The following PCDHAC1 variants were observed in gnomAD, a reference collection of about 807,000 sequenced individuals.
PCDHAC1 encodes the protein protocadherin alpha-C1.
A neutral mutation model predicts 60.0 loss-of-function variants in PCDHAC1; 42 were observed. The ratio of observed to expected loss-of-function variants is 0.70; its 90% CI spans 0.55 to 0.90. The LOEUF (loss-of-function observed/expected upper bound fraction) is 0.90, where lower values mean the gene tolerates loss of function less well. Ranked by LOEUF, PCDHAC1 falls within the 40% of genes least tolerant of loss-of-function variation. The probability of loss-of-function intolerance (pLI) is 0.00; values close to 1 mark genes in which losing one functional copy is unlikely to be tolerated. For missense variants in PCDHAC1, 1,160 were observed against 1,222.3 expected (o/e 0.95, Z 0.76); for synonymous variants, 468 against 499.3 (o/e 0.94, Z 0.84).
At chr5:140,995,738 T>G (rs1441000111) in intron 3 of PCDHAC1, among the ~76,000 whole-genome samples, 1 of 152,150 alleles carries the variant, frequency 6.6e-6, no homozygotes, top group Non-Finnish European at 1.5e-5. Context: ...CTGGTGGATT[T>G]GGTATATCAT....
At position 141,011,465 on chromosome 5, in the gene PCDHAC1, G is replaced by A. The variant is rs2098420693; in HGVS notation, c.*1528G>A. ...TGAACTTTAAGCTTTATTGTTGAAT[G>A]TAATTCCATTATATTTCCTTTTGTA... On this transcript the variant is annotated 3_prime_UTR_variant, in exon 4 of 4. Transcript: ENST00000253807. The A allele has an allele frequency of 6.5e-6, 1 of 153,770 alleles. No individual in the cohort carries two copies. The highest frequency in any genetic ancestry group is 2.4e-5 in the African/African-American group (1 of 41,452). The allele number at this position is 153,770 out of a possible 1,614,324, so 9.5% of individuals were successfully genotyped here.
At chr5:140,994,631 G>A (rs978359081) in intron 3 of PCDHAC1, among the ~76,000 whole-genome samples, 1 of 152,106 alleles carries the variant, frequency 6.6e-6, no homozygotes, top group Non-Finnish European at 1.5e-5. Flanking sequence ...CTTGAACCTG[G>A]AAGGTGGAGG....
intron 3 of PCDHAC1, among the ~76,000 whole-genome samples, chr5:140,990,194 G>A (rs2097380047): frequency 6.6e-6 from 1 of 152,076 alleles, no homozygotes; most frequent in Non-Finnish European, 1.5e-5. Context: ...ACCAAATGTG[G>A]ACCCGAAAGA....
At chr5:140,979,384 G>A (rs1243693033) in intron 2 of PCDHAC1, among the ~76,000 whole-genome samples, 3 of 151,896 alleles carry the variant, frequency 2.0e-5, no homozygotes, top group African/African-American at 7.3e-5. Context: ...ATTGTGCAAT[G>A]TATACATACA....
intron 3 of PCDHAC1, among the ~76,000 whole-genome samples, chr5:140,985,288 A>G (rs1007960248): frequency 1.3e-5 from 2 of 152,112 alleles, no homozygotes; most frequent in African/African-American, 4.8e-5. Flanking sequence ...AATCTATGAT[A>G]TAGTGTTGGC....
rs201501759 is a variant in PCDHAC1 at position 140,978,957 on chromosome 5, G to A, written c.2442G>A (p.Gln814=). The stretch of plus-strand genomic sequence containing the variant: ...TCTTTGTGATTTTGCAGCCACGACA[G>A]CCCAACCCTGACTGGCGTTACTCTG... ...DHANVNAMPR[Q]PNPDWRYSAS... is the part of the protein sequence containing the mutation. Residue 814 remains glutamine, a synonymous_variant, in exon 2 of 4, where the codon CAG becomes CAA. Coordinates refer to ENST00000253807, the MANE Select transcript of PCDHAC1 (RefSeq NM_018898.5). 56 of 1,614,040 alleles carry A rather than the reference G, an allele frequency of 3.5e-5. No individual in the cohort carries two copies. In the East Asian group the frequency reaches 1.1e-3, roughly 32 times the overall value.
At chr5:140,962,716 G>A (rs1268660102) in intron 1 of PCDHAC1, among the ~76,000 whole-genome samples, 2 of 152,304 alleles carry the variant, frequency 1.3e-5, no homozygotes, top group East Asian at 3.9e-4. Context: ...ATATTGGAAA[G>A]TATTTTCCTT....
At position 140,927,384 on chromosome 5, in the gene PCDHAC1, C is replaced by G. The variant is rs2084146194; in HGVS notation, c.492C>G (p.Ser164Arg). Residue 164 changes from serine (S) to arginine (R), a missense_variant, in exon 1 of 4, where the codon AGC becomes AGG. Transcript: ENST00000253807. The part of the protein sequence containing the change: ...GSNGILSYSL[S>R]PSQHFRLDMG... Reference sequence around the variant, plus strand: ...ATGGGATACTAAGCTACAGCCTAAGCCCCAGTCAGCACTTTCGCCTGGACA... The same window carrying G: ...ATGGGATACTAAGCTACAGCCTAAGGCCCAGTCAGCACTTTCGCCTGGACA... 1 of 1,613,996 alleles carries G rather than the reference C, an allele frequency of 6.2e-7. No individual in the cohort carries two copies. The highest frequency in any genetic ancestry group is 1.7e-5 in the Admixed American group (1 of 60,010).
chr5:140,951,520 A>G (rs904780831), intron 1 of PCDHAC1, among the ~76,000 whole-genome samples: 6 of 151,972 alleles, frequency 3.9e-5, no homozygotes, highest in Admixed American at 2.0e-4. Context: ...CTCATCTTAC[A>G]TGGCCGGTGC....
chr5:140,992,017 C>CTGTGTG (rs10602499), intron 3 of PCDHAC1, among the ~76,000 whole-genome samples: 2,290 of 145,594 alleles, frequency 0.016, 56 homozygotes, highest in African/African-American at 0.05. Flanking sequence ...AGAGGTGGCT[C>CTGTGTG]TGTGTGTGTG....
chr5:140,971,210 C>G (rs192930872), intron 1 of PCDHAC1, among the ~76,000 whole-genome samples: 383 of 152,274 alleles, frequency 2.5e-3, no homozygotes, highest in Non-Finnish European at 3.7e-3. Context: ...CACTGTTACC[C>G]TCCCTCTCCT....
In PCDHAC1 at chr5:140,929,151, T is replaced by C; in HGVS notation, c.2259T>C (p.Thr753=). The change falls in exon 1 of 4, where the codon ACT becomes ACC. Residue 753 remains threonine (T), a synonymous_variant. Transcript: ENST00000253807. The part of the protein sequence containing the change: ...DVTTVERLSQ[T]YLYRASLGLG... ...CTACAGTTGAGAGACTTTCTCAGAC[T>C]TATCTCTATCGGGCCTCTCTGGGAC... 1 of 1,614,202 alleles carries C rather than the reference T, an allele frequency of 6.2e-7. No homozygotes were observed. The highest frequency in any genetic ancestry group is 2.2e-5 in the East Asian group (1 of 44,884).
At chr5:140,982,336 A>G in intron 2 of PCDHAC1, 139 bp from the exon 3 acceptor site, 1 of 1,449,074 alleles carries the variant, frequency 6.9e-7, no homozygotes, top group Non-Finnish European at 9.2e-7. Context: ...GCTCAGCAGT[A>G]ATTGCTTCAG....
At chr5:140,930,258 ATTTCT>A (rs1398620749) in intron 1 of PCDHAC1, 6 of 152,342 alleles carry the variant, frequency 3.9e-5, no homozygotes, top group African/African-American at 1.4e-4. Flanking sequence ...CTTGGATTTA[ATTTCT>A]TTTATTTTAG....
chr5:140,967,745 G>A, intron 1 of PCDHAC1: 1 of 1,614,184 alleles, frequency 6.2e-7, no homozygotes, highest in Non-Finnish European at 8.5e-7. Flanking sequence ...GGATTATGAG[G>A]AAGCCTCCTC....
intron 2 of PCDHAC1, among the ~76,000 whole-genome samples, chr5:140,980,258 G>A (rs2096882497): frequency 6.6e-6 from 1 of 152,164 alleles, no homozygotes; most frequent in Non-Finnish European, 1.5e-5. Context: ...GTAAAAGCAT[G>A]GTTTACAGTA....
chr5:140,953,270 T>A (rs1362290837), intron 1 of PCDHAC1, among the ~76,000 whole-genome samples: 6 of 152,152 alleles, frequency 3.9e-5, no homozygotes, highest in Non-Finnish European at 5.9e-5. Flanking sequence ...GCTTTAGCCT[T>A]TGCTCTTTAT....
intron 3 of PCDHAC1, among the ~76,000 whole-genome samples, chr5:141,000,931 T>G (rs1422337935): frequency 1.3e-5 from 2 of 152,188 alleles, no homozygotes; most frequent in African/African-American, 4.8e-5. Flanking sequence ...CCTGTGTGAT[T>G]TAGGACAAAT....
At chr5:140,935,760 T>C (rs1320272382) in intron 1 of PCDHAC1, among the ~76,000 whole-genome samples, 1 of 152,152 alleles carries the variant, frequency 6.6e-6, no homozygotes, top group Non-Finnish European at 1.5e-5. Flanking sequence ...TACACATTCT[T>C]CCCCACTTTG....
Sources: allele counts gnomAD v4.1 joint callset (sites outside exome capture counted in the v4.1 genomes callset), GRCh38; gene constraint gnomAD v4.1.1; transcripts MANE v1.5; gene names NCBI Gene and HGNC (gene_info 2026-07-23, HGNC 2026-07-21).